The following SLU7 variants were observed in gnomAD, a reference collection of about 807,000 sequenced individuals.
SLU7 encodes spliceosome associated SLU7, also known as pre-mRNA-splicing factor SLU7.
Under a neutral mutation model 87.0 loss-of-function variants are expected in SLU7, and 60 were observed. That is an observed-to-expected ratio of 0.69 (90% CI 0.56 to 0.86). SLU7 has a LOEUF of 0.86. Ranked by LOEUF, SLU7 falls within the 40% of genes least tolerant of loss-of-function variation. SLU7 has a pLI of 0.00. For missense variants in SLU7, 507 were observed against 686.6 expected (o/e 0.74, Z 2.92); for synonymous variants, 197 against 222.0 (o/e 0.89, Z 1.00).
chr5:160,414,751 T>A (rs1004870368), intron 2 of SLU7, among the ~76,000 whole-genome samples: 2 of 152,226 alleles, frequency 1.3e-5, no homozygotes, highest in Non-Finnish European at 2.9e-5. Context: ...GTGTTAGTAA[T>A]CTAAATCTTC....
chr5:160,407,518 T>G lies in SLU7; in HGVS notation c.1083A>C (p.Lys361Asn). The change falls in exon 11 of 16, where the codon AAA becomes AAC. Residue 361 changes from lysine to asparagine, a missense_variant. Lys to Asn is a moderately conservative substitution (Grantham distance 94, BLOSUM62 0). Transcript: ENST00000297151. The surrounding 1 kb of genome is among the most constrained non-coding windows in gnomAD (Gnocchi z 4.2). ...CTTTCTGCTGTTCTTTGAAATCTTC[T>G]TTTTTGACTTTGAAGGACTTATACA... is the stretch of plus-strand genomic sequence containing the variant. ...ELLYKSFKVK[K>N]EDFKEQQKES... 1 of 1,612,586 alleles carries G rather than the reference T, an allele frequency of 6.2e-7. No individual in the cohort carries two copies. Among genetic ancestry groups the G allele is most frequent in the South Asian group, 1.1e-5 (1 of 90,646 alleles).
chr5:160,410,622 A>T (rs11135101), intron 6 of SLU7, among the ~76,000 whole-genome samples: 52,310 of 152,104 alleles, frequency 0.34, 9,585 homozygotes, highest in Middle Eastern at 0.41. Flanking sequence ...CCCCTTACAT[A>T]CATTAAGTAT....
At chr5:160,414,536 T>C (rs1485635146) in intron 2 of SLU7, 64 bp from the exon 3 acceptor site, 8 of 1,077,108 alleles carry the variant, frequency 7.4e-6, no homozygotes, top group Non-Finnish European at 9.0e-6. Flanking sequence ...AGTATTACAA[T>C]TACAAAGGTA....
chr5:160,404,223 C>T (rs1252270120), intron 15 of SLU7, among the ~76,000 whole-genome samples: 4 of 152,128 alleles, frequency 2.6e-5, no homozygotes, highest in Non-Finnish European at 5.9e-5. Context: ...AAATTAGCTG[C>T]ACATGGGGGC....
intron 1 of SLU7, among the ~76,000 whole-genome samples, chr5:160,416,884 A>G (rs1450572499): frequency 6.6e-6 from 1 of 152,110 alleles, no homozygotes; most frequent in African/African-American, 2.4e-5. Context: ...TGTAATTCCC[A>G]AGTGTTGTGG....
At chr5:160,415,402 C>T (rs1030000272) in intron 1 of SLU7, 92 bp from the exon 2 acceptor site, 4 of 953,130 alleles carry the variant, frequency 4.2e-6, no homozygotes, top group East Asian at 2.8e-5. Flanking sequence ...TATACTGTTT[C>T]ATATGTTTTT....
intron 13 of SLU7, 75 bp from the exon 14 acceptor site, chr5:160,404,955 A>C (rs1000199380): frequency 1.3e-6 from 2 of 1,509,508 alleles, no homozygotes; most frequent in African/African-American, 2.8e-5. Context: ...AATTTGAAAC[A>C]TGAGACAGCA....
At chr5:160,405,527 A>G (rs1044898373) in intron 12 of SLU7, among the ~76,000 whole-genome samples, 1 of 152,182 alleles carries the variant, frequency 6.6e-6, no homozygotes, top group Non-Finnish European at 1.5e-5. Context: ...CTCATGTATG[A>G]TCACTGGTCT....
At chr5:160,415,407 G>A (rs1008396985) in intron 1 of SLU7, 97 bp from the exon 2 acceptor site, 1 of 880,916 alleles carries the variant, frequency 1.1e-6, no homozygotes, top group Admixed American at 3.2e-5. Flanking sequence ...TGTTTCATAT[G>A]TTTTTTTTTC....
chr5:160,404,319 C>T (rs902127428), intron 15 of SLU7, 121 bp downstream of exon 15: 6 of 642,112 alleles, frequency 9.3e-6, no homozygotes, highest in African/African-American at 3.7e-5. Flanking sequence ...GAGCTGCGGT[C>T]GTGCCACTGC....
In SLU7 at chr5:160,402,876, A is replaced by C. The variant is rs1353483646; in HGVS notation, c.*409T>G. 1 of 152,540 alleles carries C rather than the reference A, an allele frequency of 6.6e-6. No homozygotes were observed. The highest frequency in any genetic ancestry group is 1.5e-5 in the Non-Finnish European group (1 of 68,388). The allele number at this position is 152,540 out of a possible 1,614,324, so 9.4% of individuals were successfully genotyped here. A position where few individuals can be genotyped will look rare whatever the true frequency, so the allele number is the denominator to read the frequency against. On this transcript the variant is annotated 3_prime_UTR_variant, in exon 16 of 16. Coordinates refer to ENST00000297151, the MANE Select transcript of SLU7 (RefSeq NM_006425.5). ...TAAAAATACAAAAAATTAGCTGAGC[A>C]TGGTGGCGGGCGCCTGTAGTCCCAA...
chr5:160,407,020 C>T lies in SLU7; in HGVS notation c.1126-391G>A, dbSNP rs950184582. Among the ~76,000 whole-genome samples the T allele has an allele frequency of 1.3e-5, 2 of 152,210 alleles. No individual in the cohort carries two copies. Among genetic ancestry groups the T allele is most frequent in the Admixed American group, 6.5e-5 (1 of 15,276 alleles). ...GATGCAAGCAAAGGCACTTATGTACCACAGCACACTTTTTGCTGCCACTCT... is the reference window on the plus strand; with the variant it reads ...GATGCAAGCAAAGGCACTTATGTACTACAGCACACTTTTTGCTGCCACTCT... On this transcript the variant is annotated intron_variant, in intron 11 of 15. Transcript: ENST00000297151. The surrounding 1 kb of genome is among the most constrained non-coding windows in gnomAD (Gnocchi z 4.2).
intron 1 of SLU7, chr5:160,418,677 T>C (rs984410560): frequency 6.6e-6 from 1 of 152,210 alleles, no homozygotes; most frequent in Non-Finnish European, 1.5e-5. Flanking sequence ...GAAGCTCAAG[T>C]AAATTTTTCT....
intron 12 of SLU7, among the ~76,000 whole-genome samples, chr5:160,405,530 A>C (rs1764971960): frequency 6.6e-6 from 1 of 152,180 alleles, no homozygotes; most frequent in African/African-American, 2.4e-5. Context: ...ATGTATGATC[A>C]CTGGTCTGGC....
chr5:160,413,747 T>C, intron 4 of SLU7, 127 bp from the exon 5 acceptor site: 2 of 1,007,064 alleles, frequency 2.0e-6, no homozygotes, highest in Non-Finnish European at 2.9e-6. Flanking sequence ...AGTAGAAAAT[T>C]TTGTTGGTGT....
rs1311972978 is a variant in SLU7, at chr5:160,407,553, G to A, written c.1048C>T (p.Leu350=). ...TTGAAGGACTTATACAACAGCTCTA[G>A]CTTTGTAGGATCTGCCTGTAGATGC... The part of the protein sequence containing the change: ...EVHLQADPTK[L]ELLYKSFKVK... Residue 350 remains leucine, a synonymous_variant, in exon 11 of 16, where the codon CTA becomes TTA. Transcript: ENST00000297151. This position sits in a 1 kb window ranked among gnomAD's most constrained non-coding sequence, Gnocchi z 4.2. The A allele has an allele frequency of 3.7e-6, 6 of 1,613,226 alleles. No individual in the cohort carries two copies. The Admixed American group carries it at 6.7e-5, about 18-fold the overall frequency.
At chr5:160,413,728 T>A (rs1386081557) in intron 4 of SLU7, 108 bp from the exon 5 acceptor site, 21 of 1,105,720 alleles carry the variant, frequency 1.9e-5, no homozygotes, top group Admixed American at 1.4e-4. Flanking sequence ...AATTTACAGT[T>A]AGTCTTACAG....
At position 160,407,365 on chromosome 5, in the gene SLU7, A is replaced by G. The variant is rs971339373; in HGVS notation, c.1125+111T>C. 2 of 912,374 alleles carry G rather than the reference A, an allele frequency of 2.2e-6. No homozygotes were observed. Among genetic ancestry groups the G allele is most frequent in the African/African-American group, 1.7e-5 (1 of 59,754 alleles). 56.5% of individuals were successfully genotyped at this position (912,374 alleles called of 1,614,324 possible). A position where few individuals can be genotyped will look rare whatever the true frequency, so the allele number is the denominator to read the frequency against. On this transcript the variant is annotated intron_variant, in intron 11 of 15. Coordinates refer to ENST00000297151, the MANE Select transcript of SLU7 (RefSeq NM_006425.5). The surrounding 1 kb of genome is among the most constrained non-coding windows in gnomAD (Gnocchi z 4.2). The stretch of plus-strand genomic sequence containing the variant: ...GAAAGGAAGAAAAGGACTATTCTTC[A>G]TGGATTAAGAGGGCTCTCTTTGCAT...
chr5:160,415,010 A>G, intron 2 of SLU7, 115 bp downstream of exon 2: 1 of 902,668 alleles, frequency 1.1e-6, no homozygotes. Flanking sequence ...AAAATAAAAA[A>G]CAAAAATGAC....
Sources: gnomAD v4.1 joint callset for allele counts (sites outside exome capture counted in the v4.1 genomes callset) on GRCh38, gnomAD v4.1.1 for gene constraint, Gnocchi (gnomAD v3.1) non-coding constraint, MANE v1.5 for transcripts, NCBI Gene and HGNC (gene_info 2026-07-23, HGNC 2026-07-21) for gene names.